The following C9orf43 variants were observed in gnomAD, a reference collection of about 807,000 sequenced individuals.
C9orf43 encodes the protein uncharacterized protein C9orf43.
C9orf43 carries 45 observed loss-of-function variants against 59.1 expected under a neutral mutation model. The ratio of observed to expected loss-of-function variants is 0.76; its 90% CI spans 0.60 to 0.98. The LOEUF (loss-of-function observed/expected upper bound fraction) is 0.98, where lower values mean the gene tolerates loss of function less well. C9orf43 is among the 50% of genes least tolerant of loss of function. C9orf43 has a pLI of 0.00. For synonymous variants in C9orf43, 203 were observed against 196.8 expected (o/e 1.03, Z -0.26); for missense variants, 533 against 554.9 (o/e 0.96, Z 0.40).
At position 113,413,654 on chromosome 9, in the gene C9orf43, C is replaced by T. The variant is rs200045945; in HGVS notation, c.151+10C>T. On this transcript the variant is annotated intron_variant, in intron 2 of 13. Coordinates refer to ENST00000374165, the MANE Select transcript of C9orf43 (RefSeq NM_001278629.2). ...CCCCTGGATGCTGAAGGTGAATTAG[C>T]CAGCTTCTGTCCTCTCCCTCACGAG... is the stretch of plus-strand genomic sequence containing the variant. 7 of 1,613,806 alleles carry T rather than the reference C, an allele frequency of 4.3e-6. No homozygotes were observed. Among genetic ancestry groups the T allele is most frequent in the South Asian group, 2.2e-5 (2 of 91,058 alleles).
At chr9:113,427,659 A>G (rs1828840331) in intron 11 of C9orf43, among the ~76,000 whole-genome samples, 1 of 152,222 alleles carries the variant, frequency 6.6e-6, no homozygotes, top group African/African-American at 2.4e-5. Flanking sequence ...GCTATAATTT[A>G]GCATAATACC....
In C9orf43 at chr9:113,413,628, T is replaced by G. The variant is rs776757925; in HGVS notation, c.135T>G (p.Thr45=). The change falls in exon 2 of 14, where the codon ACT becomes ACG. Residue 45 remains threonine (T), a synonymous_variant. Transcript: ENST00000374165. ...GAATCCTCGGCTCATCCTGCAAAAC[T>G]CCCCTGGATGCTGAAGGTGAATTAG... ...HPRILGSSCK[T]PLDAEDKLPV... 1 of 1,614,128 alleles carries G rather than the reference T, an allele frequency of 6.2e-7. No homozygotes were observed. Among genetic ancestry groups the G allele is most frequent in the East Asian group, 2.2e-5 (1 of 44,884 alleles).
intron 3 of C9orf43, among the ~76,000 whole-genome samples, chr9:113,414,175 T>G (rs1029256304): frequency 6.6e-6 from 1 of 152,186 alleles, no homozygotes; most frequent in Non-Finnish European, 1.5e-5. Context: ...TTGTAATTCT[T>G]GAGGCTAGAA....
At chr9:113,418,282 G>C (rs113595981) in intron 3 of C9orf43, among the ~76,000 whole-genome samples, 12 of 152,050 alleles carry the variant, frequency 7.9e-5, no homozygotes, top group Non-Finnish European at 2.9e-5. Context: ...TTATGAACTT[G>C]CCTGTTCTAA....
At chr9:113,423,519 T>C (rs551434326) in intron 7 of C9orf43, 21 bp downstream of exon 7, 36 of 1,601,700 alleles carry the variant, frequency 2.2e-5, no homozygotes, top group Non-Finnish European at 3.1e-5. Context: ...TGTAGGTCTG[T>C]GGGAGAGCCA....
At chr9:113,416,307 A>G (rs1588103451) in intron 3 of C9orf43, among the ~76,000 whole-genome samples, 1 of 152,254 alleles carries the variant, frequency 6.6e-6, no homozygotes, top group African/African-American at 2.4e-5. Flanking sequence ...ACTAGAGAAC[A>G]GACTCAAACC....
intron 3 of C9orf43, among the ~76,000 whole-genome samples, chr9:113,418,567 T>C (rs1362272571): frequency 6.6e-6 from 1 of 152,208 alleles, no homozygotes; most frequent in Non-Finnish European, 1.5e-5. Context: ...AATTAAAATA[T>C]ACTGTGATGA....
intron 3 of C9orf43, 93 bp downstream of exon 3, chr9:113,413,987 G>A (rs1055047826): frequency 7.3e-7 from 1 of 1,373,728 alleles, no homozygotes; most frequent in African/African-American, 1.5e-5. Context: ...GAGAAAGCTA[G>A]ATTAAAAAGA....
chr9:113,414,785 C>T (rs1318924412), intron 3 of C9orf43, among the ~76,000 whole-genome samples: 1 of 152,152 alleles, frequency 6.6e-6, no homozygotes, highest in African/African-American at 2.4e-5. Flanking sequence ...TTTGGGAGGA[C>T]ACAATTCAGC....
intron 8 of C9orf43, 129 bp from the exon 9 acceptor site, chr9:113,424,890 C>T: frequency 1.3e-6 from 1 of 744,116 alleles, no homozygotes; most frequent in Non-Finnish European, 2.2e-6. Flanking sequence ...GCCCCTGGTA[C>T]AATGCTGCAA....
At chr9:113,424,571 A>G (rs967900183) in intron 8 of C9orf43, among the ~76,000 whole-genome samples, 3 of 146,900 alleles carry the variant, frequency 2.0e-5, no homozygotes, top group African/African-American at 7.6e-5. Flanking sequence ...TCTGTCACCC[A>G]GGGTGTAGTG....
intron 4 of C9orf43, 143 bp from the exon 5 acceptor site, chr9:113,420,960 G>T (rs1828540201): frequency 1.4e-5 from 12 of 828,526 alleles, no homozygotes; most frequent in Non-Finnish European, 1.8e-5. Context: ...TGTTTTTTTT[G>T]GGAGAATATT....
rs1303201298 is a variant in C9orf43, at chr9:113,416,783, C to A, written c.288-2325C>A. Among the ~76,000 whole-genome samples, 5 of 152,096 alleles carry A rather than the reference C, an allele frequency of 3.3e-5. No individual in the cohort carries two copies. The East Asian group carries it at 9.7e-4, about 29-fold the overall frequency. On this transcript the variant is annotated intron_variant, in intron 3 of 13. Coordinates refer to ENST00000374165, the MANE Select transcript of C9orf43 (RefSeq NM_001278629.2). ...GGGGCTGTCTTATTTTAGCTACTTC[C>A]CTGGCCTGTACCCATTGAATACTAA... is the stretch of plus-strand genomic sequence containing the variant.
chr9:113,411,521 G>C (rs921718719), intron 1 of C9orf43, among the ~76,000 whole-genome samples: 17 of 151,954 alleles, frequency 1.1e-4, no homozygotes, highest in Non-Finnish European at 2.1e-4. Flanking sequence ...AGATGGTCTC[G>C]ATCTCCTGAC....
chr9:113,421,360 C>A (rs890644254), intron 5 of C9orf43, among the ~76,000 whole-genome samples, 157 bp downstream of exon 5: 1 of 151,886 alleles, frequency 6.6e-6, no homozygotes, highest in Non-Finnish European at 1.5e-5. Flanking sequence ...CCTTTTGCTA[C>A]ACTGGAATTT....
chr9:113,427,094 T>C (rs538793995), intron 11 of C9orf43, among the ~76,000 whole-genome samples: 1 of 152,210 alleles, frequency 6.6e-6, no homozygotes. Context: ...TATGGACTGC[T>C]AAGTCTTTTG....
In C9orf43 at chr9:113,413,613, C is replaced by A; in HGVS notation, c.120C>A (p.Gly40=). 1 of 1,614,220 alleles carries A rather than the reference C, an allele frequency of 6.2e-7. No homozygotes were observed. The highest frequency in any genetic ancestry group is 1.1e-5 in the South Asian group (1 of 91,084). The change falls in exon 2 of 14, where the codon GGC becomes GGA. Residue 40 remains glycine, a synonymous_variant. Transcript: ENST00000374165. ...RIERGHPRIL[G]SSCKTPLDAE... ...AGAGGGGCCATCCTCGAATCCTCGG[C>A]TCATCCTGCAAAACTCCCCTGGATG...
intron 1 of C9orf43, among the ~76,000 whole-genome samples, chr9:113,412,859 G>A (rs1828221742): frequency 6.6e-6 from 1 of 152,236 alleles, no homozygotes; most frequent in Non-Finnish European, 1.5e-5. Context: ...AACTAGCAGT[G>A]TCTAGTGATT....
chr9:113,421,965 G>A (rs184835013), intron 5 of C9orf43, among the ~76,000 whole-genome samples: 10 of 152,168 alleles, frequency 6.6e-5, no homozygotes, highest in Non-Finnish European at 1.5e-4. Flanking sequence ...TAGAAACCAG[G>A]GCTCCTTCTA....
Sources: gnomAD v4.1 joint callset for allele counts (sites outside exome capture counted in the v4.1 genomes callset) on GRCh38, gnomAD v4.1.1 for gene constraint, MANE v1.5 for transcripts, NCBI Gene and HGNC (gene_info 2026-07-23, HGNC 2026-07-21) for gene names.